Variants in PXK observed in about 807,000 individuals in gnomAD.
PXK encodes the protein PX domain containing serine/threonine kinase like, also known as PX domain-containing protein kinase-like protein.
PXK carries 35 observed loss-of-function variants against 84.7 expected under a neutral mutation model. That is an observed-to-expected ratio of 0.41 (90% confidence interval 0.32 to 0.55). The LOEUF is 0.55. Among genes scored for constraint, PXK ranks in the 20% least tolerant of loss-of-function variants. The pLI is 0.21. For synonymous variants in PXK, 253 were observed against 260.8 expected (o/e 0.97, Z 0.29); for missense variants, 634 against 699.7 (o/e 0.91, Z 1.06).
chr3:58,390,784 A>G lies in PXK; in HGVS notation c.466+125A>G. On this transcript the variant is annotated intron_variant, in intron 5 of 17. Coordinates refer to ENST00000356151, the MANE Select transcript of PXK (RefSeq NM_017771.5). The surrounding 1 kb of genome is among the most constrained non-coding windows in gnomAD (Gnocchi z 4.2). ...AGGTGACTTCTTTTTCTTTTTGCATATCAACTGCTTGAGGATACAGCTGGT... is the reference window on the plus strand; with the variant it reads ...AGGTGACTTCTTTTTCTTTTTGCATGTCAACTGCTTGAGGATACAGCTGGT... 1.2e-6 allele frequency: 1 copy of G among 846,152 alleles called. No homozygotes were observed. Among genetic ancestry groups the G allele is most frequent in the East Asian group, 2.7e-5 (1 of 37,266 alleles). The allele number at this position is 846,152 out of a possible 1,614,324, so 52.4% of individuals were successfully genotyped here.
chr3:58,356,913 T>G (rs1280970281), intron 1 of PXK, among the ~76,000 whole-genome samples: 1 of 151,726 alleles, frequency 6.6e-6, no homozygotes, highest in South Asian at 2.1e-4. Flanking sequence ...TTTTTTTTTT[T>G]TTGTTCACAG....
At chr3:58,336,480 A>G (rs1241822991) in intron 1 of PXK, among the ~76,000 whole-genome samples, 1 of 152,180 alleles carries the variant, frequency 6.6e-6, no homozygotes, top group Non-Finnish European at 1.5e-5. Context: ...AAGCTTCTAT[A>G]AAATCAGAAA....
In PXK at chr3:58,332,919, C is replaced by A; in HGVS notation, c.-70C>A. 7 of 1,003,726 alleles carry A rather than the reference C, an allele frequency of 7.0e-6. No individual in the cohort carries two copies. In the South Asian group the frequency reaches 7.9e-5, roughly 11 times the overall value. 62.2% of individuals were successfully genotyped at this position (1,003,726 alleles called of 1,614,324 possible). On this transcript the variant is annotated 5_prime_UTR_variant, in exon 1 of 18. Coordinates refer to ENST00000356151, the MANE Select transcript of PXK (RefSeq NM_017771.5). This position sits in a 1 kb window ranked among gnomAD's most constrained non-coding sequence, Gnocchi z 5.6. ...TGACAGCGGCGGCGGTGGAACCGGG[C>A]GGGCGGCGGGAGTCGGCGCCTCGGG...
Position 58,425,824 on chromosome 3 carries a change from T to TA in PXK, c.*865dup, listed in dbSNP as rs2062739500. On this transcript the variant is annotated 3_prime_UTR_variant, in exon 18 of 18. Coordinates refer to ENST00000356151, the MANE Select transcript of PXK (RefSeq NM_017771.5). ...TATCAATATAGCATCTCTTTAATGT[T>TA]AGTCATTTATTAGAAAGATCCTTTA... The TA allele has an allele frequency of 6.6e-6, 1 of 152,234 alleles. No individual in the cohort carries two copies. Among genetic ancestry groups the TA allele is most frequent in the African/African-American group, 2.4e-5 (1 of 41,466 alleles). The allele number at this position is 152,234 out of a possible 1,614,324, so 9.4% of individuals were successfully genotyped here. A position where few individuals can be genotyped will look rare whatever the true frequency, so the allele number is the denominator to read the frequency against.
At position 58,408,916 on chromosome 3, in the gene PXK, C is replaced by T. The variant is rs1334750056; in HGVS notation, c.1231-8C>T. 6.4e-7 allele frequency: 1 copy of T among 1,555,070 alleles called. No homozygotes were observed. The highest frequency in any genetic ancestry group is 8.9e-7 in the Non-Finnish European group (1 of 1,126,946). ...TTCAATAGATGATGTACTTTTCTCT[C>T]CTTTCAGATCCCTACAAAGTTAAAA... On this transcript the variant is annotated splice_polypyrimidine_tract_variant and splice_region_variant and intron_variant, in intron 13 of 17. Coordinates refer to ENST00000356151, the MANE Select transcript of PXK (RefSeq NM_017771.5).
intron 1 of PXK, among the ~76,000 whole-genome samples, chr3:58,345,502 A>G (rs2097798181): frequency 1.3e-5 from 2 of 152,246 alleles, no homozygotes; most frequent in Non-Finnish European, 2.9e-5. Context: ...CGTTTTTATG[A>G]TAATTCTCAC....
rs1397626536 is a variant in PXK at position 58,411,466 on chromosome 3, G to T, written c.1465+1307G>T. Among the ~76,000 whole-genome samples, 1 of 152,192 alleles carries T rather than the reference G, an allele frequency of 6.6e-6. No homozygotes were observed. The highest frequency in any genetic ancestry group is 1.5e-5 in the Non-Finnish European group (1 of 68,026). ...CTGTTGTGGCTGGTGGGTAGTTTCAGTTGGAAGCCTATCTTCGCCATGGTT... is the reference window on the plus strand; with the variant it reads ...CTGTTGTGGCTGGTGGGTAGTTTCATTTGGAAGCCTATCTTCGCCATGGTT... On this transcript the variant is annotated intron_variant, in intron 16 of 17. Coordinates refer to ENST00000356151, the MANE Select transcript of PXK (RefSeq NM_017771.5). The surrounding 1 kb of genome is among the most constrained non-coding windows in gnomAD (Gnocchi z 4.2).
intron 1 of PXK, among the ~76,000 whole-genome samples, chr3:58,350,942 G>A (rs954873898): frequency 6.6e-6 from 1 of 152,078 alleles, no homozygotes; most frequent in Non-Finnish European, 1.5e-5. Context: ...AACCAGTAGG[G>A]ACTTCTAGCT....
intron 3 of PXK, among the ~76,000 whole-genome samples, chr3:58,377,697 T>G (rs1212985337): frequency 1.3e-5 from 2 of 152,000 alleles, no homozygotes; most frequent in South Asian, 4.1e-4. Context: ...TTACTTTTTC[T>G]CCCTCCCGAA....
At chr3:58,344,342 T>C (rs1487620696) in intron 1 of PXK, among the ~76,000 whole-genome samples, 1 of 152,270 alleles carries the variant, frequency 6.6e-6, no homozygotes, top group Non-Finnish European at 1.5e-5. Flanking sequence ...TTTGTCTCAC[T>C]GTCAACTGTG....
intron 1 of PXK, among the ~76,000 whole-genome samples, chr3:58,336,060 TATATATA>T (rs1192508787): frequency 1.8e-5 from 1 of 57,066 alleles, no homozygotes; most frequent in African/African-American, 1.2e-4. Context: ...TATATATATA[TATATATA>T]TATATTTTTT....
At chr3:58,403,934 TG>T in intron 13 of PXK, 24 bp downstream of exon 13, 1 of 1,463,506 alleles carries the variant, frequency 6.8e-7, no homozygotes, top group South Asian at 1.5e-5. Context: ...TATCGTTTTT[TG>T]GTTTGTGACA....
chr3:58,369,059 C>T (rs1438798026), intron 2 of PXK, among the ~76,000 whole-genome samples: 3 of 148,506 alleles, frequency 2.0e-5, no homozygotes, highest in African/African-American at 5.0e-5. Flanking sequence ...TCCATTTCCT[C>T]TTGCTTTGAT....
rs527758993 is a variant in PXK, at chr3:58,398,872, A to G, written c.1103-427A>G. On this transcript the variant is annotated intron_variant, in intron 11 of 17. Transcript: ENST00000356151. This position sits in a 1 kb window ranked among gnomAD's most constrained non-coding sequence, Gnocchi z 4.5. ...AAATCTGGCTGCTCCTGTTAATAGC[A>G]TCCAAGGTGTTGGATGATGAGATAT... is the stretch of plus-strand genomic sequence containing the variant. Among the ~76,000 whole-genome samples the G allele has an allele frequency of 1.6e-4, 25 of 152,342 alleles. No homozygotes were observed. The highest frequency in any genetic ancestry group is 5.8e-4 in the African/African-American group (24 of 41,584).
intron 3 of PXK, among the ~76,000 whole-genome samples, chr3:58,378,687 A>G (rs2098469261): frequency 6.7e-6 from 1 of 149,996 alleles, no homozygotes; most frequent in Admixed American, 6.6e-5. Context: ...GGCATGCATC[A>G]CCATGCTCAG....
chr3:58,394,150 C>T (rs952483913), intron 7 of PXK, among the ~76,000 whole-genome samples: 3 of 152,146 alleles, frequency 2.0e-5, no homozygotes, highest in Admixed American at 6.5e-5. Context: ...TTCCTGGGTA[C>T]ACCTTTCCAC....
In PXK at chr3:58,401,913, TAAAAC is replaced by T. The variant is rs562569211; in HGVS notation, c.1182-1945_1182-1941del. ...CAAAAAAATAAAATAAAATAAAAAA[TAAAAC>T]AAACTGGGGGCGCAGGATATTCAGC... On this transcript the variant is annotated intron_variant, in intron 12 of 17. Transcript: ENST00000356151. This position sits in a 1 kb window ranked among gnomAD's most constrained non-coding sequence, Gnocchi z 4.4. 2.9e-3 allele frequency among the ~76,000 whole-genome samples: 436 copies of T among 151,732 alleles called. 1 individual carries two copies. Among genetic ancestry groups the T allele is most frequent in the African/African-American group, 0.01 (421 of 41,342 alleles).
chr3:58,335,055 G>A (rs1312434723), intron 1 of PXK, among the ~76,000 whole-genome samples: 6 of 142,984 alleles, frequency 4.2e-5, no homozygotes, highest in Non-Finnish European at 7.5e-5. Context: ...GTGTGTGTGT[G>A]TGTGGAGACA....
chr3:58,403,868 C>A lies in PXK; in HGVS notation c.1188C>A (p.Phe396Leu). The change falls in exon 13 of 18, where the codon TTC becomes TTA. Residue 396 changes from phenylalanine (F) to leucine (L), a missense_variant. Around this residue, in one of 3 missense-constraint regions of PXK, gnomAD observed 273 missense variants for 283.6 expected, o/e 0.96. Transcript: ENST00000356151. ...TISRLLQMPL[F>L]SDVLLTTSEK... ...TTGTTTCTTTTCTTTACAGATTATT[C>A]AGCGATGTTTTACTAACCACTTCTG... is the stretch of plus-strand genomic sequence containing the variant. 1.9e-6 allele frequency: 3 copies of A among 1,544,344 alleles called. No homozygotes were observed. Among genetic ancestry groups the A allele is most frequent in the Non-Finnish European group, 2.6e-6 (3 of 1,135,438 alleles).
Sources: gnomAD v4.1 joint callset for allele counts (sites outside exome capture counted in the v4.1 genomes callset) on GRCh38, gnomAD v4.1.1 for gene constraint, gnomAD v4.1.1 regional missense constraint, Gnocchi (gnomAD v3.1) non-coding constraint, MANE v1.5 for transcripts, NCBI Gene and HGNC (gene_info 2026-07-23, HGNC 2026-07-21) for gene names.